Variants in NCAM1 observed in about 807,000 individuals in gnomAD.
NCAM1 encodes the protein neural cell adhesion molecule 1, also known as antigen recognized by monoclonal antibody 5.1H11.
Under a neutral mutation model 109.8 loss-of-function variants are expected in NCAM1, and 14 were observed. That is an observed-to-expected ratio of 0.13 (90% CI 0.08 to 0.20). NCAM1 has a LOEUF of 0.20. Among genes scored for constraint, NCAM1 ranks in the 10% least tolerant of loss-of-function variants. NCAM1 has a pLI of 1.00. For synonymous variants in NCAM1, 418 were observed against 442.9 expected, an observed-to-expected ratio of 0.94 and a Z score of 0.70; for missense variants, 774 against 1,109.9, an observed-to-expected ratio of 0.70 and a Z score of 4.30.
At chr11:113,061,450 A>C (rs1390579779) in intron 1 of NCAM1, among the ~76,000 whole-genome samples, 3 of 152,192 alleles carry the variant, frequency 2.0e-5, no homozygotes, top group Non-Finnish European at 2.9e-5. Flanking sequence ...TGAATTATGG[A>C]AGTGGTATAC....
intron 1 of NCAM1, among the ~76,000 whole-genome samples, chr11:113,072,166 G>T (rs1461202381): frequency 6.6e-6 from 1 of 152,110 alleles, no homozygotes; most frequent in Non-Finnish European, 1.5e-5. Flanking sequence ...TTGATAATTG[G>T]TCATTAATAA....
intron 1 of NCAM1, among the ~76,000 whole-genome samples, chr11:113,144,877 T>G (rs1452401609): frequency 1.3e-5 from 2 of 152,240 alleles, no homozygotes; most frequent in Admixed American, 1.3e-4. Flanking sequence ...ATAGCCATTG[T>G]GGTATCACTG....
At chr11:113,099,544 A>C (rs142111611) in intron 1 of NCAM1, among the ~76,000 whole-genome samples, 1 of 152,328 alleles carries the variant, frequency 6.6e-6, no homozygotes, top group African/African-American at 2.4e-5. Flanking sequence ...CAACAAACAA[A>C]CCAGAAGCAT....
chr11:112,990,491 T>C (rs558372978), intron 1 of NCAM1, among the ~76,000 whole-genome samples: 2 of 152,246 alleles, frequency 1.3e-5, no homozygotes, highest in South Asian at 2.1e-4. Context: ...TCAGGGTTTT[T>C]TGTGGGACTG....
At chr11:113,148,422 T>C (rs1555101782) in intron 1 of NCAM1, among the ~76,000 whole-genome samples, 1 of 151,536 alleles carries the variant, frequency 6.6e-6, no homozygotes, top group African/African-American at 2.4e-5. Flanking sequence ...AAACTCCATA[T>C]CTCATTTGGA....
Position 112,985,013 on chromosome 11 carries a change from A to G in NCAM1, c.52+23349A>G, listed in dbSNP as rs575130974. On this transcript the variant is annotated intron_variant, in intron 1 of 19. Coordinates refer to ENST00000316851, the MANE Select transcript of NCAM1 (RefSeq NM_181351.5). Reference sequence around the variant, plus strand: ...CTTTTCCCCTGTATTTCCTTCTAAGAGTTTTATAGCTCCAGGTCTTTAATT... The same window carrying G: ...CTTTTCCCCTGTATTTCCTTCTAAGGGTTTTATAGCTCCAGGTCTTTAATT... Among the ~76,000 whole-genome samples the G allele has an allele frequency of 2.6e-5, 4 of 151,624 alleles. No individual in the cohort carries two copies. In the South Asian group the frequency reaches 8.3e-4, roughly 32 times the overall value.
intron 1 of NCAM1, among the ~76,000 whole-genome samples, chr11:113,141,493 A>C (rs1555100406): frequency 6.6e-6 from 1 of 152,154 alleles, no homozygotes; most frequent in East Asian, 1.9e-4. Context: ...AAATGAATAA[A>C]TAAAAAATAG....
At chr11:113,087,537 T>A (rs1432338594) in intron 1 of NCAM1, among the ~76,000 whole-genome samples, 2 of 152,190 alleles carry the variant, frequency 1.3e-5, no homozygotes, top group African/African-American at 4.8e-5. Context: ...TGTCTGTTCC[T>A]TTCTGAAGTT....
chr11:113,199,271 A>G (rs1484261284), intron 1 of NCAM1, among the ~76,000 whole-genome samples: 1 of 152,180 alleles, frequency 6.6e-6, no homozygotes, highest in African/African-American at 2.4e-5. Flanking sequence ...GTGAAAGTTG[A>G]GGTAGGAATT....
chr11:113,099,520 G>A (rs182618702), intron 1 of NCAM1, among the ~76,000 whole-genome samples: 61 of 152,238 alleles, frequency 4.0e-4, no homozygotes, highest in Non-Finnish European at 7.1e-4. Flanking sequence ...AGCTAACAGA[G>A]GAATGTGCGT....
At chr11:113,208,568 A>C (rs1251334673) in intron 7 of NCAM1, among the ~76,000 whole-genome samples, 3 of 151,626 alleles carry the variant, frequency 2.0e-5, no homozygotes, top group Admixed American at 2.0e-4. Flanking sequence ...TCCACCATTC[A>C]GATCTTAACT....
At chr11:113,135,001 GCTATGGGAACAAGAC>G (rs1474912581) in intron 1 of NCAM1, among the ~76,000 whole-genome samples, 77 of 152,238 alleles carry the variant, frequency 5.1e-4, no homozygotes, top group African/African-American at 1.9e-3. Context: ...GAGCTACAGG[GCTATGGGAACAAGAC>G]CTTACCCGTC....
intron 15 of NCAM1, among the ~76,000 whole-genome samples, chr11:113,250,268 GC>G: frequency 6.6e-6 from 1 of 152,302 alleles, no homozygotes; most frequent in South Asian, 2.1e-4. Flanking sequence ...CAAAAGAGGC[GC>G]CAGGGAGAGA....
rs200123115 is a variant in NCAM1 at position 113,232,323 on chromosome 11, T to C, written c.1394T>C (p.Ile465Thr). Residue 465 changes from isoleucine to threonine, a missense_variant, in exon 11 of 20, where the codon ATC becomes ACC. Coordinates refer to ENST00000316851, the MANE Select transcript of NCAM1 (RefSeq NM_181351.5). ...AGCTCCAATTACAGCAATATCAAGA[T>C]CTACAACACCCCCTCTGCCAGCTAT... ...LPSSNYSNIK[I>T]YNTPSASYLE... 6.2e-7 allele frequency: 1 copy of C among 1,612,866 alleles called. No individual in the cohort carries two copies. Among genetic ancestry groups the C allele is most frequent in the South Asian group, 1.1e-5 (1 of 90,898 alleles).
At chr11:113,066,047 G>C (rs944126940) in intron 1 of NCAM1, among the ~76,000 whole-genome samples, 3 of 152,180 alleles carry the variant, frequency 2.0e-5, no homozygotes, top group African/African-American at 7.2e-5. Context: ...TCACTGGCTT[G>C]GTTCTTGCCC....
chr11:113,156,847 G>A lies in NCAM1; in HGVS notation c.53-45532G>A, dbSNP rs968758119. Among the ~76,000 whole-genome samples the A allele has an allele frequency of 1.2e-4, 19 of 152,200 alleles. No homozygotes were observed. The Middle Eastern group carries it at 0.014, about 109-fold the overall frequency. ...TTGAGATGGAGAAACATGGCAGGCT[G>A]GTGGTCTTCAACATTCTTGTTAAAG... On this transcript the variant is annotated intron_variant, in intron 1 of 19. Transcript: ENST00000316851.
chr11:113,103,618 T>C (rs1565438098), intron 1 of NCAM1, among the ~76,000 whole-genome samples: 1 of 152,194 alleles, frequency 6.6e-6, no homozygotes. Flanking sequence ...GGGTTATCAC[T>C]GGCTCTCTTT....
At chr11:113,054,616 A>G (rs1187314397) in intron 1 of NCAM1, among the ~76,000 whole-genome samples, 2 of 152,232 alleles carry the variant, frequency 1.3e-5, no homozygotes, top group African/African-American at 4.8e-5. Context: ...GAGGCCTGAG[A>G]GAGGCTGTTT....
chr11:113,157,136 GACACACAC>G (rs112454729), intron 1 of NCAM1, among the ~76,000 whole-genome samples: 3 of 146,878 alleles, frequency 2.0e-5, no homozygotes, highest in Non-Finnish European at 4.5e-5. Flanking sequence ...GTTTCCCTGA[GACACACAC>G]ACACACACAC....
Sources: gnomAD v4.1 joint callset for allele counts (sites outside exome capture counted in the v4.1 genomes callset) on GRCh38, gnomAD v4.1.1 for gene constraint, MANE v1.5 for transcripts, NCBI Gene and HGNC (gene_info 2026-07-23, HGNC 2026-07-21) for gene names.